The following ZNF521 variants were observed in gnomAD, a reference collection of about 807,000 sequenced individuals.
ZNF521 encodes zinc finger protein 521.
Under a neutral mutation model 105.5 loss-of-function variants are expected in ZNF521, and 14 were observed. The observed-to-expected ratio is 0.13, with a 90% CI of 0.09 to 0.21. ZNF521 has a LOEUF of 0.21. Ranked by LOEUF, ZNF521 falls within the 10% of genes least tolerant of loss-of-function variation. The pLI is 1.00. For missense variants in ZNF521, 1,233 were observed against 1,629.7 expected (o/e 0.76, Z 4.19); for synonymous variants, 635 against 606.0 (o/e 1.05, Z -0.70).
chr18:25,206,179 T>C (rs956343841), intron 4 of ZNF521, among the ~76,000 whole-genome samples: 1 of 152,110 alleles, frequency 6.6e-6, no homozygotes, highest in Non-Finnish European at 1.5e-5. Flanking sequence ...AATTTTTTTT[T>C]GTATTTTTAG....
chr18:25,247,509 T>C (rs1907813544), intron 3 of ZNF521, among the ~76,000 whole-genome samples: 1 of 152,232 alleles, frequency 6.6e-6, no homozygotes, highest in African/African-American at 2.4e-5. Flanking sequence ...TTGATGCTTC[T>C]ACTCCACTCC....
chr18:25,116,947 A>ATG (rs2144327199), intron 5 of ZNF521, among the ~76,000 whole-genome samples: 1 of 137,504 alleles, frequency 7.3e-6, no homozygotes, highest in South Asian at 2.4e-4. Context: ...ATATATACAC[A>ATG]TATATATGTA....
At chr18:25,258,871 A>G (rs924249078) in intron 3 of ZNF521, among the ~76,000 whole-genome samples, 1 of 152,216 alleles carries the variant, frequency 6.6e-6, no homozygotes, top group African/African-American at 2.4e-5. Context: ...AACACAGAGT[A>G]TCATTTAGGT....
intron 7 of ZNF521, among the ~76,000 whole-genome samples, chr18:25,088,300 C>T (rs2033669533): frequency 1.3e-5 from 2 of 151,574 alleles, no homozygotes; most frequent in South Asian, 2.1e-4. Flanking sequence ...ACCGCAAGCT[C>T]CGCCTCCCGG....
At chr18:25,285,166 A>C (rs1160892577) in intron 3 of ZNF521, among the ~76,000 whole-genome samples, 1 of 152,098 alleles carries the variant, frequency 6.6e-6, no homozygotes, top group South Asian at 2.1e-4. Context: ...CCTGGTGTGG[A>C]TAAAGCTTCC....
At chr18:25,351,090 T>G (rs1170561738) in intron 1 of ZNF521, 143 bp from the exon 2 acceptor site, 3 of 361,302 alleles carry the variant, frequency 8.3e-6, no homozygotes, top group Admixed American at 1.3e-4. Flanking sequence ...CGCTCCTCGC[T>G]CCGGCTCCGG....
chr18:25,266,022 TG>T, intron 3 of ZNF521, among the ~76,000 whole-genome samples: 1 of 152,148 alleles, frequency 6.6e-6, no homozygotes, highest in East Asian at 1.9e-4. Flanking sequence ...AGTAGGAGGA[TG>T]GTTACCAGGG....
intron 5 of ZNF521, among the ~76,000 whole-genome samples, chr18:25,112,478 A>G (rs2034211249): frequency 6.6e-6 from 1 of 152,162 alleles, no homozygotes; most frequent in South Asian, 2.1e-4. Context: ...ATTTTTAAAC[A>G]GGGCTAGCTA....
chr18:25,330,472 A>C lies in ZNF521; in HGVS notation c.41-8285T>G, dbSNP rs553284783. 1.6e-3 allele frequency among the ~76,000 whole-genome samples: 238 copies of C among 152,248 alleles called. 1 individual carries two copies. Among genetic ancestry groups the C allele is most frequent in the African/African-American group, 5.6e-3 (231 of 41,538 alleles). ...AGCCACCATGCCCAGCCACCAGCTAACTTTTTAACCTAGTACCAGAGGTTT... is the reference window on the plus strand; with the variant it reads ...AGCCACCATGCCCAGCCACCAGCTACCTTTTTAACCTAGTACCAGAGGTTT... On this transcript the variant is annotated intron_variant, in intron 2 of 7. Coordinates refer to ENST00000361524, the MANE Select transcript of ZNF521 (RefSeq NM_015461.3).
chr18:25,348,203 A>C (rs1265151045), intron 2 of ZNF521, among the ~76,000 whole-genome samples: 5 of 152,172 alleles, frequency 3.3e-5, no homozygotes, highest in Non-Finnish European at 7.3e-5. Flanking sequence ...GGTCATAATA[A>C]CACCTCTCTG....
At position 25,301,686 on chromosome 18, in the gene ZNF521, C is replaced by T. The variant is rs796088964; in HGVS notation, c.220+20322G>A. 1.1e-4 allele frequency among the ~76,000 whole-genome samples: 16 copies of T among 152,268 alleles called. 2 individuals are homozygous for T. The highest frequency in any genetic ancestry group is 3.6e-4 in the African/African-American group (15 of 41,538). On this transcript the variant is annotated intron_variant, in intron 3 of 7. Coordinates refer to ENST00000361524, the MANE Select transcript of ZNF521 (RefSeq NM_015461.3). ...GTCTTCCTTCTTAGAAATTACCAGGCTTTTTCTCTTAGCTTGTTCCCAAAG... is the reference window on the plus strand; with the variant it reads ...GTCTTCCTTCTTAGAAATTACCAGGTTTTTTCTCTTAGCTTGTTCCCAAAG...
intron 5 of ZNF521, among the ~76,000 whole-genome samples, chr18:25,191,462 G>A (rs910052979): frequency 9.2e-5 from 14 of 152,106 alleles, no homozygotes; most frequent in South Asian, 2.1e-4. Flanking sequence ...ACCACCAGCC[G>A]CTTGCAATTT....
chr18:25,220,647 G>A (rs191224581), intron 4 of ZNF521, among the ~76,000 whole-genome samples: 7 of 152,200 alleles, frequency 4.6e-5, no homozygotes, highest in East Asian at 3.9e-4. Context: ...TGCACATCTC[G>A]CGACATGGAG....
chr18:25,140,286 A>G (rs1341392822), intron 5 of ZNF521, among the ~76,000 whole-genome samples: 1 of 152,194 alleles, frequency 6.6e-6, no homozygotes, highest in Non-Finnish European at 1.5e-5. Flanking sequence ...GCCAACATGA[A>G]GAAAAGTAAC....
intron 7 of ZNF521, among the ~76,000 whole-genome samples, chr18:25,071,125 C>T (rs2033211298): frequency 6.6e-6 from 1 of 152,148 alleles, no homozygotes; most frequent in African/African-American, 2.4e-5. Flanking sequence ...ACTTTGTCTT[C>T]ATTATAAGAT....
chr18:25,204,036 T>A (rs1211579984), intron 4 of ZNF521, among the ~76,000 whole-genome samples: 1 of 152,164 alleles, frequency 6.6e-6, no homozygotes, highest in Non-Finnish European at 1.5e-5. Context: ...GTTCTTCCCA[T>A]GGGAGATGCT....
chr18:25,263,546 C>T (rs1181001530), intron 3 of ZNF521, among the ~76,000 whole-genome samples: 1 of 151,580 alleles, frequency 6.6e-6, no homozygotes, highest in Non-Finnish European at 1.5e-5. Flanking sequence ...TTAGTAGAGA[C>T]GGAGCTTCAC....
intron 5 of ZNF521, among the ~76,000 whole-genome samples, chr18:25,119,264 C>T (rs1180968560): frequency 3.3e-5 from 5 of 152,148 alleles, no homozygotes; most frequent in South Asian, 2.1e-4. Flanking sequence ...TCCCTGCCCC[C>T]GCCAATGACT....
At chr18:25,287,741 G>A (rs1378572131) in intron 3 of ZNF521, among the ~76,000 whole-genome samples, 1 of 152,010 alleles carries the variant, frequency 6.6e-6, no homozygotes, top group Non-Finnish European at 1.5e-5. Flanking sequence ...AAACAAATCT[G>A]CAGGAAATTT....
Sources: gnomAD v4.1 joint callset for allele counts (sites outside exome capture counted in the v4.1 genomes callset) on GRCh38, gnomAD v4.1.1 for gene constraint, MANE v1.5 for transcripts, NCBI Gene and HGNC (gene_info 2026-07-23, HGNC 2026-07-21) for gene names.